The following AGMO variants were observed in gnomAD, a reference collection of about 807,000 sequenced individuals.
AGMO encodes the protein glyceryl-ether monooxygenase.
AGMO carries 75 observed loss-of-function variants against 60.2 expected under a neutral mutation model. That is an observed-to-expected ratio of 1.25 (90% confidence interval 1.03 to 1.51). The LOEUF (loss-of-function observed/expected upper bound fraction) is 1.51, where lower values mean the gene tolerates loss of function less well. Among genes scored for constraint, AGMO ranks in the 40% most tolerant of loss-of-function variants. The pLI is 0.00. For missense variants in AGMO, 763 were observed against 525.5 expected (o/e 1.45, Z -4.42); for synonymous variants, 261 against 177.1 (o/e 1.47, Z -3.76).
intron 12 of AGMO, among the ~76,000 whole-genome samples, chr7:15,351,094 A>G (rs568654061): frequency 1.3e-5 from 2 of 152,276 alleles, no homozygotes; most frequent in African/African-American, 4.8e-5. Context: ...AAATTGCAGT[A>G]TAGTTTAGGT....
intron 12 of AGMO, among the ~76,000 whole-genome samples, chr7:15,236,961 T>A (rs1411731753): frequency 3.4e-5 from 5 of 144,968 alleles, no homozygotes; most frequent in Non-Finnish European, 6.2e-5. Context: ...GTAAAAAAAA[T>A]AAAAATAAAA....
At chr7:15,375,477 A>T (rs1783413980) in intron 10 of AGMO, among the ~76,000 whole-genome samples, 1 of 146,202 alleles carries the variant, frequency 6.8e-6, no homozygotes, top group African/African-American at 2.6e-5. Context: ...CTTCTGCACA[A>T]CCTCTAACTC....
intron 12 of AGMO, among the ~76,000 whole-genome samples, chr7:15,248,193 T>TATATATAC (rs1419715162): frequency 4.1e-5 from 3 of 72,408 alleles, no homozygotes; most frequent in African/African-American, 2.0e-4. Context: ...TATATATATA[T>TATATATAC]ATATATATAT....
intron 3 of AGMO, among the ~76,000 whole-genome samples, chr7:15,483,482 C>T (rs933094569): frequency 1.3e-5 from 2 of 152,172 alleles, no homozygotes; most frequent in Admixed American, 1.3e-4. Flanking sequence ...AGGAGAATGG[C>T]GTGAACCCGG....
chr7:15,281,210 A>G (rs920785120), intron 12 of AGMO, among the ~76,000 whole-genome samples: 1 of 152,064 alleles, frequency 6.6e-6, no homozygotes, highest in African/African-American at 2.4e-5. Context: ...CTCAGCAAGG[A>G]AAGTCTGTAG....
rs1180000088 is a variant in AGMO, at chr7:15,555,288, T to C, written c.257+4853A>G. On this transcript the variant is annotated intron_variant, in intron 2 of 12. Coordinates refer to ENST00000342526, the MANE Select transcript of AGMO (RefSeq NM_001004320.2). ...ATTGGATCATATATATATATATATATATATACACACACACACACACACACA... is the reference window on the plus strand; with the variant it reads ...ATTGGATCATATATATATATATATACATATACACACACACACACACACACA... 4.0e-5 allele frequency among the ~76,000 whole-genome samples: 4 copies of C among 100,000 alleles called. No homozygotes were observed. The East Asian group carries it at 1.1e-3, about 27-fold the overall frequency. 65.6% of individuals were successfully genotyped at this position (100,000 alleles called of 152,430 possible).
chr7:15,476,619 C>G (rs140869702), intron 3 of AGMO, among the ~76,000 whole-genome samples: 1 of 151,926 alleles, frequency 6.6e-6, no homozygotes, highest in African/African-American at 2.4e-5. Flanking sequence ...ATAAGTCTTT[C>G]TGTTTAATTT....
the AGMO span, among the ~76,000 whole-genome samples, chr7:15,158,688 G>A: frequency 5.3e-5 from 8 of 152,234 alleles, no homozygotes; most frequent in South Asian, 1.0e-3. Context: ...AAGCAGAATC[G>A]TTCAGTCTGT....
intron 3 of AGMO, among the ~76,000 whole-genome samples, chr7:15,535,417 T>C (rs1184099991): frequency 6.6e-6 from 1 of 151,910 alleles, no homozygotes; most frequent in Non-Finnish European, 1.5e-5. Flanking sequence ...AGAAAATTGT[T>C]TGGTTTTGAA....
intron 3 of AGMO, among the ~76,000 whole-genome samples, chr7:15,504,164 G>C (rs1322409465): frequency 6.6e-6 from 1 of 151,904 alleles, no homozygotes; most frequent in East Asian, 1.9e-4. Flanking sequence ...AAAGGCAATG[G>C]TTATTTTCTG....
intron 12 of AGMO, among the ~76,000 whole-genome samples, chr7:15,323,579 C>A (rs1348251803): frequency 6.6e-6 from 1 of 152,086 alleles, no homozygotes; most frequent in Non-Finnish European, 1.5e-5. Flanking sequence ...CTAGGTAGGT[C>A]ACTAAAACAC....
chr7:15,258,555 A>C (rs1178419620), intron 12 of AGMO, among the ~76,000 whole-genome samples: 2 of 152,128 alleles, frequency 1.3e-5, no homozygotes, highest in Non-Finnish European at 2.9e-5. Context: ...TCTCAAAAAA[A>C]AATAAAAAAT....
At chr7:15,366,298 A>C (rs900866831) in intron 10 of AGMO, 76 bp from the exon 11 acceptor site, 3 of 1,066,150 alleles carry the variant, frequency 2.8e-6, no homozygotes, top group East Asian at 5.4e-5. Flanking sequence ...AAAGCTTACA[A>C]AACAGCCCAA....
At chr7:15,334,726 A>T (rs1781599859) in intron 12 of AGMO, among the ~76,000 whole-genome samples, 1 of 152,202 alleles carries the variant, frequency 6.6e-6, no homozygotes, top group Non-Finnish European at 1.5e-5. Flanking sequence ...GCAATGTCTG[A>T]AGCACAAAAC....
chr7:15,514,546 T>C (rs76836078), intron 3 of AGMO, among the ~76,000 whole-genome samples: 2,295 of 152,252 alleles, frequency 0.015, 57 homozygotes, highest in African/African-American at 0.052. Context: ...ATATCTTCTC[T>C]AATCTTCTTT....
chr7:15,363,792 T>G (rs1782856209), intron 12 of AGMO, among the ~76,000 whole-genome samples: 1 of 152,110 alleles, frequency 6.6e-6, no homozygotes, highest in Admixed American at 6.5e-5. Flanking sequence ...TGTTCTCTAT[T>G]TCCTTCTGGT....
At chr7:15,317,623 C>CATT (rs1780966084) in intron 12 of AGMO, among the ~76,000 whole-genome samples, 1 of 151,852 alleles carries the variant, frequency 6.6e-6, no homozygotes, top group South Asian at 2.1e-4. Flanking sequence ...AACATGAACG[C>CATT]ATTATTATTA....
intron 12 of AGMO, among the ~76,000 whole-genome samples, chr7:15,334,785 T>A (rs973597659): frequency 6.6e-6 from 1 of 152,176 alleles, no homozygotes; most frequent in Admixed American, 6.6e-5. Context: ...AAGTGTTACA[T>A]CATTAAAGCT....
In AGMO at chr7:15,223,382, C is replaced by T. The variant is rs139299066; in HGVS notation, c.1264-22023G>A. 1.6e-4 allele frequency among the ~76,000 whole-genome samples: 25 copies of T among 151,962 alleles called. No homozygotes were observed. The East Asian group carries it at 4.3e-3, about 26-fold the overall frequency. ...GATATCATTGCATTATATTGAAATG[C>T]TCCTTTATCCTTATAAAAATACAAT... On this transcript the variant is annotated intron_variant, in intron 12 of 12. Transcript: ENST00000342526.
Sources: allele counts gnomAD v4.1 joint callset (sites outside exome capture counted in the v4.1 genomes callset), GRCh38; gene constraint gnomAD v4.1.1; transcripts MANE v1.5; gene names NCBI Gene and HGNC (gene_info 2026-07-23, HGNC 2026-07-21).